AHNAK2: variants seen among roughly 807,000 people sequenced by gnomAD.
The protein encoded by AHNAK2 is protein AHNAK2.
Under a neutral mutation model 30.7 loss-of-function variants are expected in AHNAK2, and 18 were observed. The ratio of observed to expected loss-of-function variants is 0.59; its 90% CI spans 0.41 to 0.87. The LOEUF (loss-of-function observed/expected upper bound fraction) is 0.87, where lower values mean the gene tolerates loss of function less well. Ranked by LOEUF, AHNAK2 falls within the 40% of genes least tolerant of loss-of-function variation. The pLI, the probability that AHNAK2 is intolerant of heterozygous loss-of-function variation, is 0.00. For missense variants in AHNAK2, 8,604 were observed against 7,373.0 expected, an observed-to-expected ratio of 1.17 and a Z score of -6.11; for synonymous variants, 3,590 against 3,073.8, an observed-to-expected ratio of 1.17 and a Z score of -5.56.
rs1481212052 is a variant in AHNAK2, at chr14:104,954,747, C to G, written c.704G>C (p.Gly235Ala). Residue 235 changes from glycine (G) to alanine (A), a missense_variant, in exon 7 of 7, where the codon GGA becomes GCA. Gly to Ala is a moderately conservative substitution (Grantham distance 60). Transcript: ENST00000333244. The surrounding 1 kb of genome is among the most constrained non-coding windows in gnomAD (Gnocchi z 4.3). Reference sequence around the variant, plus strand: ...GATGAGTCTCTCTTGGTCCCCATCTCCTTCCAGAGTTTTCGTGGGGGTCTC... The same window carrying G: ...GATGAGTCTCTCTTGGTCCCCATCTGCTTCCAGAGTTTTCGTGGGGGTCTC... ...CRETPTKTLE[G>A]DGDQERLISK... The G allele has an allele frequency of 6.2e-7, 1 of 1,602,264 alleles. No homozygotes were observed. Among genetic ancestry groups the G allele is most frequent in the South Asian group, 1.1e-5 (1 of 90,146 alleles).
Position 104,940,000 on chromosome 14 carries a change from T to A in AHNAK2, c.15451A>T (p.Ile5151Leu). ...AGGGGATCTTCAGGTGTGGGGGCTA[T>A]CCCCTCCCCACAAGGCTGGCTCACT... ...VPVSQPCGEG[I>L]APTPEDPLQP... is the part of the protein sequence containing the mutation. The change falls in exon 7 of 7, where the codon ATA (isoleucine) becomes TTA (leucine). Residue 5151 changes from isoleucine to leucine, a missense_variant. Ile to Leu is a conservative substitution (Grantham distance 5, BLOSUM62 2). Coordinates refer to ENST00000333244, the MANE Select transcript of AHNAK2 (RefSeq NM_138420.4). 1 of 1,612,392 alleles carries A rather than the reference T, an allele frequency of 6.2e-7. No individual in the cohort carries two copies. The highest frequency in any genetic ancestry group is 8.5e-7 in the Non-Finnish European group (1 of 1,179,854).
At position 104,954,835 on chromosome 14, in the gene AHNAK2, T is replaced by C. The variant is rs376239983; in HGVS notation, c.652-36A>G. Reference sequence around the variant, plus strand: ...GGGAGAGGGAATCTGTTGGTGCCAGTCCAAGAAGCCTGGGGCCCTGGCCCA... The same window carrying C: ...GGGAGAGGGAATCTGTTGGTGCCAGCCCAAGAAGCCTGGGGCCCTGGCCCA... On this transcript the variant is annotated intron_variant, in intron 6 of 6. Transcript: ENST00000333244. The surrounding 1 kb of genome is among the most constrained non-coding windows in gnomAD (Gnocchi z 4.3). The C allele has an allele frequency of 4.2e-5, 65 of 1,540,234 alleles. No homozygotes were observed. Among genetic ancestry groups the C allele is most frequent in the Non-Finnish European group, 5.2e-5 (60 of 1,146,364 alleles).
chr14:104,943,300 G>A lies in AHNAK2; in HGVS notation c.12151C>T (p.Leu4051=), dbSNP rs758360300. 6.2e-7 allele frequency: 1 copy of A among 1,613,186 alleles called. No individual in the cohort carries two copies. Among genetic ancestry groups the A allele is most frequent in the Non-Finnish European group, 8.5e-7 (1 of 1,179,602 alleles). ...AAACTGGGCATCTGCACCTTGGGCA[G>A]GTGCCCTTTGAGGCTGGCTCCCTCG... ...VPEGASLKGH[L]PKVQMPSFKM... is the part of the protein sequence containing the mutation. The change falls in exon 7 of 7, where the codon CTG becomes TTG. Residue 4051 remains leucine (L), a synonymous_variant. Coordinates refer to ENST00000333244, the MANE Select transcript of AHNAK2 (RefSeq NM_138420.4).
rs751727406 is a variant in AHNAK2 at position 104,944,809 on chromosome 14, C to T, written c.10642G>A (p.Glu3548Lys). ...AGGTGCCCTTTGAGGCCGGCTCCCT[C>T]GGGCACGGGGCCCTCCAGGAGTTCC... ...DVELLEGPVPEGAGLKGHLPK... is the reference protein window; with the variant it reads ...DVELLEGPVPKGAGLKGHLPK... Residue 3548 changes from glutamate (E) to lysine (K), a missense_variant, in exon 7 of 7, where the codon GAG becomes AAG. Coordinates refer to ENST00000333244, the MANE Select transcript of AHNAK2 (RefSeq NM_138420.4). The T allele has an allele frequency of 1.1e-5, 17 of 1,612,776 alleles. No homozygotes were observed. The highest frequency in any genetic ancestry group is 1.6e-4 in the Middle Eastern group (1 of 6,076).
rs771603387 is a variant in AHNAK2, at chr14:104,941,091, C to T, written c.14360G>A (p.Cys4787Tyr). Reference sequence around the variant, plus strand: ...GTATTTTGTAAGTGTAACATCCTCACAGGGAGAGAGAATAGAAGATTCAAA... The same window carrying T: ...GTATTTTGTAAGTGTAACATCCTCATAGGGAGAGAGAATAGAAGATTCAAA... ...PHFESSILSPCEDVTLTKYQV... is the reference protein window; with the variant it reads ...PHFESSILSPYEDVTLTKYQV... Residue 4787 changes from cysteine (C) to tyrosine (Y), a missense_variant, in exon 7 of 7, where the codon TGT (cysteine) becomes TAT (tyrosine). By Grantham distance (194) the Cys-to-Tyr change is radical. Coordinates refer to ENST00000333244, the MANE Select transcript of AHNAK2 (RefSeq NM_138420.4). The T allele has an allele frequency of 3.1e-6, 5 of 1,613,578 alleles. No homozygotes were observed. The highest frequency in any genetic ancestry group is 3.3e-4 in the Middle Eastern group (2 of 6,084).
rs779046065 is a variant in AHNAK2, at chr14:104,954,018, C to T, written c.1433G>A (p.Gly478Asp). Residue 478 changes from glycine to aspartate, a missense_variant, in exon 7 of 7, where the codon GGC becomes GAC. Transcript: ENST00000333244. This position sits in a 1 kb window ranked among gnomAD's most constrained non-coding sequence, Gnocchi z 4.3. ...TACTCGCACCCTAATTTCTGGTGGG[C>T]CAATCTGTGTGCCTCCTTCGGTTGT... ...RDTTEGGTQI[G>D]PPEIRVRVHD... The T allele has an allele frequency of 6.2e-7, 1 of 1,613,678 alleles. No individual in the cohort carries two copies. The highest frequency in any genetic ancestry group is 2.2e-5 in the East Asian group (1 of 44,882).
intron 1 of AHNAK2, among the ~76,000 whole-genome samples, chr14:104,972,387 AG>A (rs2140884316): frequency 6.6e-6 from 1 of 152,302 alleles, no homozygotes; most frequent in African/African-American, 2.4e-5. Context: ...TCAGCCAGGC[AG>A]GGCAGGGCTG....
rs780740454 is a variant in AHNAK2, at chr14:104,953,757, A to G, written c.1694T>C (p.Ile565Thr). Residue 565 changes from isoleucine (I) to threonine (T), a missense_variant, in exon 7 of 7, where the codon ATC (isoleucine) becomes ACC (threonine). Transcript: ENST00000333244. ...CCTGCCCTTGTCCTGTTCCTCAGTG[A>G]TCCTTGTCCTCTGTAGTCCTTCCTC... Reference protein sequence around the residue: ...DGEEGLQRTRITEEQDKGRED... With the variant: ...DGEEGLQRTRTTEEQDKGRED... The G allele has an allele frequency of 2.5e-6, 4 of 1,613,550 alleles. No individual in the cohort carries two copies. Among genetic ancestry groups the G allele is most frequent in the Non-Finnish European group, 3.4e-6 (4 of 1,179,836 alleles).
chr14:104,955,059 C>T lies in AHNAK2; in HGVS notation c.549G>A (p.Pro183=), dbSNP rs752566400. 7.4e-6 allele frequency: 12 copies of T among 1,613,546 alleles called. No homozygotes were observed. The highest frequency in any genetic ancestry group is 4.0e-5 in the African/African-American group (3 of 74,944). The stretch of plus-strand genomic sequence containing the variant: ...GTCTGATTTTGAACTGAACCTTGTA[C>T]GGCTCTGAATATTGAAGGATTTTGA... ...DALKILQYSE[P]YKVQFKIRRQ... is the part of the protein sequence containing the mutation. The change falls in exon 6 of 7, where the codon CCG becomes CCA. Residue 183 remains proline (P), a synonymous_variant. Transcript: ENST00000333244.
chr14:104,974,239 C>T (rs1282012113), intron 1 of AHNAK2, among the ~76,000 whole-genome samples: 1 of 152,242 alleles, frequency 6.6e-6, no homozygotes, highest in Non-Finnish European at 1.5e-5. Flanking sequence ...ATGCCCCGTC[C>T]TCCTTGTGTG....
In AHNAK2 at chr14:104,949,661, G is replaced by C; in HGVS notation, c.5790C>G (p.Gly1930=). 3.2e-6 allele frequency: 5 copies of C among 1,587,288 alleles called. 2 individuals carry two copies. The change falls in exon 7 of 7, where the codon GGC becomes GGG. Residue 1930 remains glycine, a synonymous_variant. Transcript: ENST00000333244. The stretch of plus-strand genomic sequence containing the variant: ...TGGGGCCTTTCAGGTCCAGCTTGGC[G>C]CCCTTAACATCTGTCTGGGGGCCCT... ...DLKGPQTDVK[G]AKLDLKGPKA...
In AHNAK2 at chr14:104,949,564, C is replaced by T. The variant is rs746751645; in HGVS notation, c.5887G>A (p.Ala1963Thr). The T allele has an allele frequency of 2.5e-6, 4 of 1,588,396 alleles. No individual in the cohort carries two copies. Reference protein sequence around the residue: ...SMEVDVQAQKAKLDGARLEGD... With the variant: ...SMEVDVQAQKTKLDGARLEGD... ...TCCAGCCGCGCACCATCCAGCTTAG[C>T]CTTCTGGGCCTGGACATCCACCTCC... Residue 1963 changes from alanine to threonine, a missense_variant, in exon 7 of 7, where the codon GCT becomes ACT. Ala to Thr is a moderately conservative substitution (Grantham distance 58). Coordinates refer to ENST00000333244, the MANE Select transcript of AHNAK2 (RefSeq NM_138420.4).
Position 104,949,981 on chromosome 14 carries a change from T to A in AHNAK2, c.5470A>T (p.Lys1824Ter), listed in dbSNP as rs767494848. ...KDVTAKDSKF[K>*]MPKFKMPSFG... Reference sequence around the variant, plus strand: ...GACGGCATCTTGAACTTGGGCATTTTGAACTTGCTGTCTTTGGCAGTCACA... The same window carrying A: ...GACGGCATCTTGAACTTGGGCATTTAGAACTTGCTGTCTTTGGCAGTCACA... Residue 1824 changes from lysine (K) to a stop codon, truncating the protein, a stop_gained, in exon 7 of 7, where the codon AAA (lysine) becomes TAA (stop). Transcript: ENST00000333244. LOFTEE classifies it low-confidence loss of function (END_TRUNC). 13 of 1,588,200 alleles carry A rather than the reference T, an allele frequency of 8.2e-6. 1 individual carries two copies. Among genetic ancestry groups the A allele is most frequent in the Non-Finnish European group, 1.1e-5 (13 of 1,163,450 alleles).
rs185589455 is a variant in AHNAK2, at chr14:104,937,847, C to T, written c.*216G>A. ...TGTGGAAGTCAGGGTGCCTTCTTTG[C>T]ATCCAAAGCTTTGAGGGAGCTGGGA... On this transcript the variant is annotated 3_prime_UTR_variant, in exon 7 of 7. Transcript: ENST00000333244. The T allele has an allele frequency of 9.8e-6, 5 of 508,890 alleles. No individual in the cohort carries two copies. In the East Asian group the frequency reaches 1.3e-4, roughly 13 times the overall value. The allele number at this position is 508,890 out of a possible 1,614,324, so 31.5% of individuals were successfully genotyped here. A position where few individuals can be genotyped will look rare whatever the true frequency, so the allele number is the denominator to read the frequency against.
rs903535595 is a variant in AHNAK2 at position 104,948,564 on chromosome 14, T to C, written c.6887A>G (p.Asp2296Gly). The C allele has an allele frequency of 1.2e-6, 2 of 1,612,370 alleles. No homozygotes were observed. Among genetic ancestry groups the C allele is most frequent in the Non-Finnish European group, 1.7e-6 (2 of 1,179,732 alleles). ...VDVKAPGAKL[D>G]GARLEGDMSL... is the part of the protein sequence containing the mutation. Reference sequence around the variant, plus strand: ...CATGTCCCCCTCCAGCCGCGCACCATCCAGCTTGGCTCCTGGGGCCTTGAC... The same window carrying C: ...CATGTCCCCCTCCAGCCGCGCACCACCCAGCTTGGCTCCTGGGGCCTTGAC... The change falls in exon 7 of 7, where the codon GAT becomes GGT. Residue 2296 changes from aspartate to glycine, a missense_variant. Asp to Gly is a moderately conservative substitution (Grantham distance 94). Transcript: ENST00000333244.
Position 104,948,550 on chromosome 14 carries a change from C to T in AHNAK2, c.6901G>A (p.Glu2301Lys). ...PGAKLDGARLEGDMSLADKDV... is the reference protein window; with the variant it reads ...PGAKLDGARLKGDMSLADKDV... ...TTGTCGGCCAGGGACATGTCCCCCTCCAGCCGCGCACCATCCAGCTTGGCT... is the reference window on the plus strand; with the variant it reads ...TTGTCGGCCAGGGACATGTCCCCCTTCAGCCGCGCACCATCCAGCTTGGCT... Residue 2301 changes from glutamate (E) to lysine (K), a missense_variant, in exon 7 of 7, where the codon GAG becomes AAG. By Grantham distance (56) the Glu-to-Lys change is moderately conservative. Transcript: ENST00000333244. The T allele has an allele frequency of 6.2e-7, 1 of 1,612,220 alleles. No homozygotes were observed. Among genetic ancestry groups the T allele is most frequent in the Non-Finnish European group, 8.5e-7 (1 of 1,179,638 alleles).
In AHNAK2 at chr14:104,943,185, G is replaced by T; in HGVS notation, c.12266C>A (p.Ala4089Asp). The T allele has an allele frequency of 2.5e-6, 4 of 1,613,222 alleles. No individual in the cohort carries two copies. The highest frequency in any genetic ancestry group is 3.4e-6 in the Non-Finnish European group (4 of 1,179,634). Residue 4089 changes from alanine (A) to aspartate (D), a missense_variant, in exon 7 of 7, where the codon GCC becomes GAC. By Grantham distance (126) the Ala-to-Asp change is moderately radical. Transcript: ENST00000333244. Reference sequence around the variant, plus strand: ...GGACAGAGACATCTTCACATCAGGGGCTGTCACTTCCGCCTTGGGGCCTTT... The same window carrying T: ...GGACAGAGACATCTTCACATCAGGGTCTGTCACTTCCGCCTTGGGGCCTTT... ...DLKGPKAEVTAPDVKMSLSSM... is the reference protein window; with the variant it reads ...DLKGPKAEVTDPDVKMSLSSM...
In AHNAK2 at chr14:104,948,371, G is replaced by A. The variant is rs770792609; in HGVS notation, c.7080C>T (p.Asp2360=). The change falls in exon 7 of 7, where the codon GAC becomes GAT. Residue 2360 remains aspartate, a synonymous_variant. Coordinates refer to ENST00000333244, the MANE Select transcript of AHNAK2 (RefSeq NM_138420.4). The part of the protein sequence containing the change: ...ADVSLPSMQG[D]LKTTDLSVQP... ...GAACGCTGAGGTCAGTGGTCTTGAG[G>A]TCCCCCTGCATGGAGGGGAGGCTCA... The A allele has an allele frequency of 1.2e-6, 2 of 1,612,480 alleles. No homozygotes were observed. The highest frequency in any genetic ancestry group is 2.2e-5 in the East Asian group (1 of 44,720).
In AHNAK2 at chr14:104,952,012, C is replaced by T. The variant is rs770357668; in HGVS notation, c.3439G>A (p.Gly1147Arg). ...TCCTTGTCGGCCAGGGACAGTTCCCCCTCCAGCCGCGCACTGTCCAGCTTG... is the reference window on the plus strand; with the variant it reads ...TCCTTGTCGGCCAGGGACAGTTCCCTCTCCAGCCGCGCACTGTCCAGCTTG... ...GAKLDSARLE[G>R]ELSLADKDVT... The change falls in exon 7 of 7, where the codon GGG (glycine) becomes AGG (arginine). Residue 1147 changes from glycine to arginine, a missense_variant. Physicochemically the swap from Gly to Arg is moderately radical, Grantham distance 125. Coordinates refer to ENST00000333244, the MANE Select transcript of AHNAK2 (RefSeq NM_138420.4). 1 of 1,612,616 alleles carries T rather than the reference C, an allele frequency of 6.2e-7. No individual in the cohort carries two copies. Among genetic ancestry groups the T allele is most frequent in the Admixed American group, 1.7e-5 (1 of 59,908 alleles).
Sources: allele counts gnomAD v4.1 joint callset (sites outside exome capture counted in the v4.1 genomes callset), GRCh38; gene constraint gnomAD v4.1.1; non-coding constraint Gnocchi (gnomAD v3.1); transcripts MANE v1.5; gene names NCBI Gene and HGNC (gene_info 2026-07-23, HGNC 2026-07-21).